The following ESAM variants were observed in gnomAD, a reference collection of about 807,000 sequenced individuals.
ESAM encodes endothelial cell adhesion molecule, also known as endothelial cell-selective adhesion molecule.
ESAM carries 23 observed loss-of-function variants against 31.8 expected under a neutral mutation model. That is an observed-to-expected ratio of 0.72 (90% CI 0.52 to 1.03). The LOEUF (loss-of-function observed/expected upper bound fraction) is 1.03. ESAM is among the 50% of genes least tolerant of loss of function. The pLI, the probability that ESAM is intolerant of heterozygous loss-of-function variation, is 0.00. For synonymous variants in ESAM, 216 were observed against 207.2 expected (o/e 1.04, Z -0.37); for missense variants, 478 against 488.9 (o/e 0.98, Z 0.21).
At chr11:124,758,236 A>G in intron 2 of ESAM, 113 bp downstream of exon 2, 1 of 1,245,762 alleles carries the variant, frequency 8.0e-7, no homozygotes, top group Non-Finnish European at 1.1e-6. Flanking sequence ...TTTTCCCTGA[A>G]ACTCCTTCCC....
At chr11:124,755,665 ATTTC>A (rs1309971047) in intron 4 of ESAM, among the ~76,000 whole-genome samples, 3 of 152,212 alleles carry the variant, frequency 2.0e-5, no homozygotes, top group Non-Finnish European at 1.5e-5. Context: ...TATTTATTTG[ATTTC>A]TTTCTTTTAC....
Position 124,753,766 on chromosome 11 carries a change from A to T in ESAM, c.1053T>A (p.Asp351Glu). The change falls in exon 7 of 7, where the codon GAT (aspartate) becomes GAA (glutamate). Residue 351 changes from aspartate to glutamate, a missense_variant. Transcript: ENST00000278927. ...ALPSPRLPTTDGAHPQPISPI... is the reference protein window; with the variant it reads ...ALPSPRLPTTEGAHPQPISPI... ...GGGATATTGGTTGAGGGTGGGCCCC[A>T]TCTGTCGTGGGCAGTCTTGGTGAGG... is the stretch of plus-strand genomic sequence containing the variant. The T allele has an allele frequency of 6.2e-7, 1 of 1,614,072 alleles. No homozygotes were observed. The highest frequency in any genetic ancestry group is 8.5e-7 in the Non-Finnish European group (1 of 1,179,980).
Position 124,754,090 on chromosome 11 carries a change from C to A in ESAM, c.857+124G>T. ...TACTCCTTTCCCTCTCCCTTAAAACCTGCCCATAGGAATGATGTTTCAGCC... is the reference window on the plus strand; with the variant it reads ...TACTCCTTTCCCTCTCCCTTAAAACATGCCCATAGGAATGATGTTTCAGCC... On this transcript the variant is annotated intron_variant, in intron 6 of 6. Coordinates refer to ENST00000278927, the MANE Select transcript of ESAM (RefSeq NM_138961.3). The surrounding 1 kb of genome is among the most constrained non-coding windows in gnomAD (Gnocchi z 4.5). 9.0e-6 allele frequency: 14 copies of A among 1,553,590 alleles called. No homozygotes were observed. The highest frequency in any genetic ancestry group is 1.1e-5 in the Non-Finnish European group (13 of 1,146,694).
At chr11:124,758,261 T>A in intron 2 of ESAM, 88 bp downstream of exon 2, 1 of 1,490,652 alleles carries the variant, frequency 6.7e-7, no homozygotes, top group Non-Finnish European at 9.3e-7. Flanking sequence ...CCCCATTCCC[T>A]CTCCACCCCT....
rs755777132 is a variant in ESAM at position 124,754,757 on chromosome 11, A to G, written c.614T>C (p.Ile205Thr). ...GTTGGTGAGGCTTAAAGACCCACGG[A>G]TGACATCTGTGGACACAATTTAGCC... is the stretch of plus-strand genomic sequence containing the variant. ...QTFFAPALDVIRGSLSLTNLS... is the reference protein window; with the variant it reads ...QTFFAPALDVTRGSLSLTNLS... The change falls in exon 5 of 7, where the codon ATC (isoleucine) becomes ACC (threonine). Residue 205 changes from isoleucine to threonine, a missense_variant. Ile to Thr is a moderately conservative substitution (Grantham distance 89, BLOSUM62 -1). Coordinates refer to ENST00000278927, the MANE Select transcript of ESAM (RefSeq NM_138961.3). The surrounding 1 kb of genome is among the most constrained non-coding windows in gnomAD (Gnocchi z 4.5). The G allele has an allele frequency of 1.2e-6, 2 of 1,613,110 alleles. No individual in the cohort carries two copies. The highest frequency in any genetic ancestry group is 2.2e-5 in the South Asian group (2 of 90,906).
In ESAM at chr11:124,762,234, C is replaced by G; in HGVS notation, c.-80G>C. 2.6e-6 allele frequency: 3 copies of G among 1,161,740 alleles called. No individual in the cohort carries two copies. The highest frequency in any genetic ancestry group is 3.5e-6 in the Non-Finnish European group (3 of 845,728). The allele number at this position is 1,161,740 out of a possible 1,614,324, so 72.0% of individuals were successfully genotyped here. ...TGCAGGTGCCGAGGCTGCGCGACGG[C>G]CGGAGCGTGCGCGGGAGCCGAGCCG... On this transcript the variant is annotated 5_prime_UTR_variant, in exon 1 of 7. Coordinates refer to ENST00000278927, the MANE Select transcript of ESAM (RefSeq NM_138961.3). The surrounding 1 kb of genome is among the most constrained non-coding windows in gnomAD (Gnocchi z 6.4).
chr11:124,758,553 GC>G (rs780294487), intron 1 of ESAM, 26 bp from the exon 2 acceptor site: 309 of 1,486,712 alleles, frequency 2.1e-4, no homozygotes, highest in Non-Finnish European at 2.7e-4. Context: ...AGGCGTGAGT[GC>G]CCAGGACCGG....
At chr11:124,758,625 C>T in intron 1 of ESAM, 98 bp from the exon 2 acceptor site, 1 of 1,377,934 alleles carries the variant, frequency 7.3e-7, no homozygotes, top group South Asian at 1.5e-5. Flanking sequence ...AGGAAAGTCG[C>T]TTTAACTGGA....
intron 1 of ESAM, among the ~76,000 whole-genome samples, chr11:124,761,498 A>G (rs959744386): frequency 6.6e-6 from 1 of 151,550 alleles, no homozygotes; most frequent in African/African-American, 2.4e-5. Context: ...TGTGCGTTTG[A>G]ACCCCTCCCC....
At position 124,753,870 on chromosome 11, in the gene ESAM, G is replaced by T; in HGVS notation, c.949C>A (p.Arg317=). The change falls in exon 7 of 7, where the codon CGA becomes AGA. Residue 317 remains arginine, a synonymous_variant. Coordinates refer to ENST00000278927, the MANE Select transcript of ESAM (RefSeq NM_138961.3). ...NGTLSSVTSA[R]ALRPPHGPPR... is the part of the protein sequence containing the mutation. ...GGGCCATGGGGTGGCCGGAGGGCTC[G>T]TGCGGAGGTGACAGAGGAAAGGGTC... is the stretch of plus-strand genomic sequence containing the variant. The T allele has an allele frequency of 6.2e-7, 1 of 1,614,042 alleles. No individual in the cohort carries two copies. Among genetic ancestry groups the T allele is most frequent in the Admixed American group, 1.7e-5 (1 of 60,014 alleles).
rs1944161206 is a variant in ESAM at position 124,756,841 on chromosome 11, C to T, written c.250-99G>A. 4.7e-6 allele frequency: 6 copies of T among 1,269,506 alleles called. No individual in the cohort carries two copies. The South Asian group carries it at 5.3e-5, about 11-fold the overall frequency. 78.6% of individuals were successfully genotyped at this position (1,269,506 alleles called of 1,614,324 possible). ...TCCCCCAGCTCGCATTCTCCAAATGCCCCTCACATGCACCCATTCTTCTAA... is the reference window on the plus strand; with the variant it reads ...TCCCCCAGCTCGCATTCTCCAAATGTCCCTCACATGCACCCATTCTTCTAA... On this transcript the variant is annotated intron_variant, in intron 2 of 6. Coordinates refer to ENST00000278927, the MANE Select transcript of ESAM (RefSeq NM_138961.3).
intron 4 of ESAM, among the ~76,000 whole-genome samples, chr11:124,755,203 C>G (rs2134457782): frequency 6.6e-6 from 1 of 152,138 alleles, no homozygotes; most frequent in East Asian, 1.9e-4. Context: ...AATATGACCT[C>G]CCTGAGGGTG....
In ESAM at chr11:124,758,518, G is replaced by A. The variant is rs1362421826; in HGVS notation, c.80C>T (p.Ser27Leu). ...CAAGTGCAGTTGCAGCTGGGCCCGC[G>A]AGGGGGGCGCTGGAGACAAGAGCGA... ...FLGLSALAPPSRAQLQLHLPA... is the reference protein window; with the variant it reads ...FLGLSALAPPLRAQLQLHLPA... Residue 27 changes from serine to leucine, a missense_variant, in exon 2 of 7, where the codon TCG becomes TTG. By Grantham distance (145) the Ser-to-Leu change is moderately radical. Coordinates refer to ENST00000278927, the MANE Select transcript of ESAM (RefSeq NM_138961.3). 8 of 1,563,954 alleles carry A rather than the reference G, an allele frequency of 5.1e-6. No homozygotes were observed. Among genetic ancestry groups the A allele is most frequent in the Non-Finnish European group, 6.9e-6 (8 of 1,155,026 alleles).
chr11:124,756,595 T>A lies in ESAM; in HGVS notation c.397A>T (p.Lys133Ter). Residue 133 changes from lysine to a stop codon, truncating the protein, a stop_gained, in exon 3 of 7, where the codon AAA becomes TAA. Coordinates refer to ENST00000278927, the MANE Select transcript of ESAM (RefSeq NM_138961.3). LOFTEE classifies it high-confidence loss of function. ...CTGTGGCCCCTAGATTTGCCTTGTT[T>A]GTCTTGCACATTCACGGAGCAGCTG... ...PYSCSVNVQDKQGKSRGHSIK... is the reference protein window; with the variant it reads ...PYSCSVNVQD 1 of 1,614,136 alleles carries A rather than the reference T, an allele frequency of 6.2e-7. No homozygotes were observed. Among genetic ancestry groups the A allele is most frequent in the Non-Finnish European group, 8.5e-7 (1 of 1,180,014 alleles).
At chr11:124,755,602 A>G (rs1477908177) in intron 4 of ESAM, among the ~76,000 whole-genome samples, 1 of 152,194 alleles carries the variant, frequency 6.6e-6, no homozygotes. Flanking sequence ...AAGAGGCAAA[A>G]TGAAAATCCA....
At chr11:124,758,827 G>C (rs1944189211) in intron 1 of ESAM, among the ~76,000 whole-genome samples, 1 of 152,210 alleles carries the variant, frequency 6.6e-6, no homozygotes, top group Non-Finnish European at 1.5e-5. Context: ...ATCAAAGAGA[G>C]GGGGCAGATT....
intron 2 of ESAM, chr11:124,757,270 A>G (rs149675845): frequency 9.3e-4 from 147 of 157,592 alleles, no homozygotes; most frequent in Middle Eastern, 3.3e-3. Flanking sequence ...GTCTCTACAA[A>G]AAATACAAAA....
chr11:124,754,070 C>T lies in ESAM; in HGVS notation c.858-109G>A. On this transcript the variant is annotated intron_variant, in intron 6 of 6. Transcript: ENST00000278927. The surrounding 1 kb of genome is among the most constrained non-coding windows in gnomAD (Gnocchi z 4.5). Reference sequence around the variant, plus strand: ...CCTCTGCCTGCACACTTCAGTACTCCTTTCCCTCTCCCTTAAAACCTGCCC... The same window carrying T: ...CCTCTGCCTGCACACTTCAGTACTCTTTTCCCTCTCCCTTAAAACCTGCCC... 1.9e-6 allele frequency: 3 copies of T among 1,551,204 alleles called. No homozygotes were observed. The highest frequency in any genetic ancestry group is 8.7e-7 in the Non-Finnish European group (1 of 1,143,738).
In ESAM at chr11:124,758,400, C is replaced by T. The variant is rs1365326115; in HGVS notation, c.198G>A (p.Trp66Ter). The change falls in exon 2 of 7, where the codon TGG becomes TGA. Residue 66 changes from tryptophan to a stop codon, truncating the protein, a stop_gained. Coordinates refer to ENST00000278927, the MANE Select transcript of ESAM (RefSeq NM_138961.3). LOFTEE classifies it high-confidence loss of function. ...LHGEVSSSQP[W>*]EVPFVMWFFK... ...AGAACCACATCACAAAGGGCACCTC[C>T]CATGGCTGGGATGAAGACACCTCCC... 1 of 1,614,170 alleles carries T rather than the reference C, an allele frequency of 6.2e-7. No individual in the cohort carries two copies. Among genetic ancestry groups the T allele is most frequent in the South Asian group, 1.1e-5 (1 of 91,082 alleles).
Sources: gnomAD v4.1 joint callset for allele counts (sites outside exome capture counted in the v4.1 genomes callset) on GRCh38, gnomAD v4.1.1 for gene constraint, Gnocchi (gnomAD v3.1) non-coding constraint, MANE v1.5 for transcripts, NCBI Gene and HGNC (gene_info 2026-07-23, HGNC 2026-07-21) for gene names.